Variants in PARVA observed in about 807,000 individuals in gnomAD.
The protein encoded by PARVA is parvin alpha.
In PARVA, 25 loss-of-function variants were observed where a neutral mutation model predicts 52.6. That is an observed-to-expected ratio of 0.48 (90% CI 0.35 to 0.66). PARVA has a LOEUF of 0.66. Among genes scored for constraint, PARVA ranks in the 30% least tolerant of loss-of-function variants. The pLI is 0.01. For missense variants in PARVA, 373 were observed against 450.9 expected (o/e 0.83, Z 1.56); for synonymous variants, 185 against 179.1 (o/e 1.03, Z -0.26).
intron 1 of PARVA, among the ~76,000 whole-genome samples, chr11:12,401,055 C>G (rs1024661596): frequency 6.6e-6 from 1 of 152,122 alleles, no homozygotes; most frequent in Non-Finnish European, 1.5e-5. Flanking sequence ...TCAGTGTGCA[C>G]CAAAGTGCAC....
intron 1 of PARVA, among the ~76,000 whole-genome samples, chr11:12,415,898 C>T (rs1465239899): frequency 2.0e-5 from 3 of 152,228 alleles, no homozygotes; most frequent in Non-Finnish European, 4.4e-5. Context: ...ACAAGAGTCC[C>T]GCATAGCCCC....
chr11:12,438,962 AGAGGAAGATT>A (rs987061856), intron 1 of PARVA, among the ~76,000 whole-genome samples: 5 of 152,322 alleles, frequency 3.3e-5, no homozygotes, highest in Admixed American at 3.3e-4. Flanking sequence ...CCAGCAGTTC[AGAGGAAGATT>A]GAGGCAAAAT....
intron 5 of PARVA, among the ~76,000 whole-genome samples, chr11:12,499,498 ATAAATT>A (rs1941340267): frequency 6.6e-6 from 1 of 151,948 alleles, no homozygotes; most frequent in South Asian, 2.1e-4. Context: ...CAAAGTGCAG[ATAAATT>A]TAAATATTAA....
At chr11:12,378,106 A>G (rs1168472866) in intron 1 of PARVA, among the ~76,000 whole-genome samples, 1 of 151,374 alleles carries the variant, frequency 6.6e-6, no homozygotes, top group Non-Finnish European at 1.5e-5. Flanking sequence ...GCGGGACCGG[A>G]GCCCAGGCGG....
intron 1 of PARVA, among the ~76,000 whole-genome samples, chr11:12,389,811 G>A (rs1939631372): frequency 6.6e-6 from 1 of 152,206 alleles, no homozygotes; most frequent in Non-Finnish European, 1.5e-5. Flanking sequence ...GCCAGTTAGA[G>A]CACGTCATTA....
rs776123036 is a variant in PARVA, at chr11:12,377,587, G to A, written c.-61G>A. On this transcript the variant is annotated 5_prime_UTR_variant, in exon 1 of 13. Transcript: ENST00000334956. ...CGCAGCCTCAGTCCCGCCGCCGCCC[G>A]CTGCGTCCGCCCAGCGCCAGCTCCG... 3 of 1,501,256 alleles carry A rather than the reference G, an allele frequency of 2.0e-6. No individual in the cohort carries two copies. Among genetic ancestry groups the A allele is most frequent in the African/African-American group, 1.5e-5 (1 of 68,234 alleles). The allele number at this position is 1,501,256 out of a possible 1,614,324, so 93.0% of individuals were successfully genotyped here.
chr11:12,448,577 C>T (rs182552173), intron 1 of PARVA, among the ~76,000 whole-genome samples: 103 of 152,234 alleles, frequency 6.8e-4, no homozygotes, highest in African/African-American at 2.1e-3. Context: ...GTTATAAGAA[C>T]GTGAGTAATG....
intron 1 of PARVA, among the ~76,000 whole-genome samples, chr11:12,390,940 T>G (rs1043617576): frequency 3.3e-5 from 5 of 151,894 alleles, no homozygotes; most frequent in African/African-American, 9.7e-5. Context: ...AATAGCCCCA[T>G]GTAAGGAGTA....
intron 5 of PARVA, among the ~76,000 whole-genome samples, chr11:12,502,098 T>A (rs1425869054): frequency 6.6e-6 from 1 of 152,146 alleles, no homozygotes; most frequent in Non-Finnish European, 1.5e-5. Context: ...TTTTTGAGGC[T>A]GTAAGTCTGG....
At chr11:12,505,111 C>A (rs530408678) in intron 6 of PARVA, among the ~76,000 whole-genome samples, 1 of 152,184 alleles carries the variant, frequency 6.6e-6, no homozygotes, top group African/African-American at 2.4e-5. Flanking sequence ...TATCTCACTC[C>A]GCTCCTAACC....
chr11:12,481,796 T>C (rs1183576424), intron 4 of PARVA, among the ~76,000 whole-genome samples: 1 of 152,018 alleles, frequency 6.6e-6, no homozygotes, highest in Non-Finnish European at 1.5e-5. Context: ...AAAGTAACTA[T>C]GAAACACTAG....
At chr11:12,425,971 A>G (rs1438170416) in intron 1 of PARVA, among the ~76,000 whole-genome samples, 1 of 149,082 alleles carries the variant, frequency 6.7e-6, no homozygotes, top group Non-Finnish European at 1.5e-5. Flanking sequence ...TCATCTTCCA[A>G]GTTCATTAAT....
At chr11:12,467,358 A>G (rs1286008365) in intron 1 of PARVA, among the ~76,000 whole-genome samples, 2 of 152,120 alleles carry the variant, frequency 1.3e-5, no homozygotes, top group African/African-American at 2.4e-5. Context: ...CAATCTGTAT[A>G]CCTTTTATTT....
Position 12,473,799 on chromosome 11 carries a change from T to C in PARVA, c.191T>C (p.Ile64Thr), listed in dbSNP as rs372841567. The C allele has an allele frequency of 4.6e-5, 73 of 1,572,164 alleles. No individual in the cohort carries two copies. The African/African-American group carries it at 7.2e-4, about 15-fold the overall frequency. Residue 64 changes from isoleucine (I) to threonine (T), a missense_variant, in exon 2 of 13, where the codon ATT becomes ACT. Physicochemically the swap from Ile to Thr is moderately conservative, Grantham distance 89. Transcript: ENST00000334956. ...GCCATCAACCTGCCCCTCAGCCCAATTCCCTTTGAGCTGGACCCCGAGGAC... is the reference window on the plus strand; with the variant it reads ...GCCATCAACCTGCCCCTCAGCCCAACTCCCTTTGAGCTGGACCCCGAGGAC... ...MNAINLPLSP[I>T]PFELDPEDTM...
At chr11:12,430,157 G>T (rs1344613) in intron 1 of PARVA, among the ~76,000 whole-genome samples, 31,322 of 151,954 alleles carry the variant, frequency 0.21, 3,589 homozygotes, top group Non-Finnish European at 0.25. Context: ...CCAATTTTGT[G>T]GTATCCCTGA....
chr11:12,497,605 A>T (rs1259098913), intron 5 of PARVA, among the ~76,000 whole-genome samples: 1 of 152,162 alleles, frequency 6.6e-6, no homozygotes, highest in Non-Finnish European at 1.5e-5. Flanking sequence ...GCACAGCATG[A>T]TCAGCTGCTT....
intron 1 of PARVA, among the ~76,000 whole-genome samples, chr11:12,398,799 CCA>C (rs1352480573): frequency 1.3e-5 from 2 of 152,092 alleles, no homozygotes; most frequent in Non-Finnish European, 2.9e-5. Context: ...GCTGTTATTA[CCA>C]CATATACCAC....
intron 1 of PARVA, among the ~76,000 whole-genome samples, chr11:12,445,452 C>A (rs550572615): frequency 1.2e-4 from 19 of 152,258 alleles, no homozygotes; most frequent in South Asian, 1.2e-3. Flanking sequence ...TCCCAGATTT[C>A]TTGGGGTACT....
At chr11:12,390,752 G>GCTCT in intron 1 of PARVA, among the ~76,000 whole-genome samples, 1 of 152,278 alleles carries the variant, frequency 6.6e-6, no homozygotes, top group Non-Finnish European at 1.5e-5. Context: ...ATGAGGCTGA[G>GCTCT]CTCTCCCTGG....
Sources: allele counts gnomAD v4.1 joint callset (sites outside exome capture counted in the v4.1 genomes callset), GRCh38; gene constraint gnomAD v4.1.1; transcripts MANE v1.5; gene names NCBI Gene and HGNC (gene_info 2026-07-23, HGNC 2026-07-21).